ERN1: variants seen among roughly 807,000 people sequenced by gnomAD.
The protein encoded by ERN1 is serine/threonine-protein kinase/endoribonuclease IRE1.
ERN1 carries 39 observed loss-of-function variants against 113.1 expected under a neutral mutation model. That is an observed-to-expected ratio of 0.34 (90% CI 0.27 to 0.45). ERN1 has a LOEUF of 0.45. Among genes scored for constraint, ERN1 ranks in the 20% least tolerant of loss-of-function variants. The pLI is 1.00. For missense variants in ERN1, 976 were observed against 1,274.8 expected, an observed-to-expected ratio of 0.77 and a Z score of 3.57; for synonymous variants, 507 against 515.9, an observed-to-expected ratio of 0.98 and a Z score of 0.23.
At chr17:64,104,880 T>C (rs978899425) in intron 1 of ERN1, among the ~76,000 whole-genome samples, 2 of 152,060 alleles carry the variant, frequency 1.3e-5, no homozygotes, top group Admixed American at 6.6e-5. Context: ...TCTAAGTCAA[T>C]GGCAAGATAC....
At chr17:64,085,749 C>T (rs908243034) in intron 2 of ERN1, among the ~76,000 whole-genome samples, 5 of 152,130 alleles carry the variant, frequency 3.3e-5, no homozygotes, top group Non-Finnish European at 5.9e-5. Flanking sequence ...GAAAACACTG[C>T]GATCATTAGT....
intron 1 of ERN1, among the ~76,000 whole-genome samples, chr17:64,103,253 T>C (rs541733367): frequency 5.6e-4 from 86 of 152,226 alleles, no homozygotes; most frequent in Non-Finnish European, 1.1e-3. Flanking sequence ...CCCAGCACCT[T>C]TGGGAGGCCG....
At chr17:64,096,390 G>A (rs985328873) in intron 2 of ERN1, among the ~76,000 whole-genome samples, 2 of 152,194 alleles carry the variant, frequency 1.3e-5, no homozygotes, top group Admixed American at 6.5e-5. Flanking sequence ...TTCCCATCAC[G>A]CCCAGATGGG....
At position 64,054,858 on chromosome 17, in the gene ERN1, TCAAA is replaced by T. The variant is rs1912805977; in HGVS notation, c.1673-34_1673-31del. 8 of 1,508,930 alleles carry T rather than the reference TCAAA, an allele frequency of 5.3e-6. No individual in the cohort carries two copies. Among genetic ancestry groups the T allele is most frequent in the Non-Finnish European group, 7.3e-6 (8 of 1,098,152 alleles). 93.5% of individuals were successfully genotyped at this position (1,508,930 alleles called of 1,614,324 possible). ...GACAAAATAGGAAAAAGAGATTGTT[TCAAA>T]CAGATATCACCTAAAGAACCTTGAG... On this transcript the variant is annotated intron_variant, in intron 13 of 21. Coordinates refer to ENST00000433197, the MANE Select transcript of ERN1 (RefSeq NM_001433.5). This position sits in a 1 kb window ranked among gnomAD's most constrained non-coding sequence, Gnocchi z 4.9.
rs943441205 is a variant in ERN1, at chr17:64,044,691, C to T, written c.2721+169G>A. ...CCTACGTCCCTGAAGGGAAAATCAG[C>T]GTAAGAGAGGCAACAGCCTGCAGTT... On this transcript the variant is annotated intron_variant, in intron 21 of 21. Coordinates refer to ENST00000433197, the MANE Select transcript of ERN1 (RefSeq NM_001433.5). The surrounding 1 kb of genome is among the most constrained non-coding windows in gnomAD (Gnocchi z 4.1). Among the ~76,000 whole-genome samples, 4 of 152,144 alleles carry T rather than the reference C, an allele frequency of 2.6e-5. No individual in the cohort carries two copies. The highest frequency in any genetic ancestry group is 7.2e-5 in the African/African-American group (3 of 41,418).
intron 1 of ERN1, among the ~76,000 whole-genome samples, chr17:64,103,148 T>C (rs964716640): frequency 6.6e-6 from 1 of 152,126 alleles, no homozygotes; most frequent in Admixed American, 6.5e-5. Flanking sequence ...CTCCCTCCTA[T>C]GAAAGCCAAC....
At chr17:64,056,114 T>G (rs1399611417) in intron 12 of ERN1, among the ~76,000 whole-genome samples, 166 bp from the exon 13 acceptor site, 1 of 152,226 alleles carries the variant, frequency 6.6e-6, no homozygotes, top group Non-Finnish European at 1.5e-5. Flanking sequence ...ATTGCTTCGA[T>G]GACTGGACGT....
At chr17:64,048,678 C>T (rs1354604689) in intron 18 of ERN1, among the ~76,000 whole-genome samples, 2 of 152,230 alleles carry the variant, frequency 1.3e-5, no homozygotes, top group East Asian at 3.9e-4. Flanking sequence ...ACTGCACCTA[C>T]TGACCACTCG....
chr17:64,092,819 A>G (rs896782509), intron 2 of ERN1, among the ~76,000 whole-genome samples: 1 of 152,218 alleles, frequency 6.6e-6, no homozygotes, highest in African/African-American at 2.4e-5. Context: ...CCATCAGGCC[A>G]AAGCAAGCTA....
Position 64,080,822 on chromosome 17 carries a change from C to T in ERN1, c.176-14G>A. 2 of 1,607,894 alleles carry T rather than the reference C, an allele frequency of 1.2e-6. No homozygotes were observed. Among genetic ancestry groups the T allele is most frequent in the South Asian group, 1.1e-5 (1 of 89,612 alleles). ...GCAGGACTGGATCTGTGCAAAAGAA[C>T]AACAAAGCCATCATCAGAAACATCC... On this transcript the variant is annotated splice_polypyrimidine_tract_variant and intron_variant, in intron 2 of 21. Transcript: ENST00000433197.
In ERN1 at chr17:64,055,665, C is replaced by T; in HGVS notation, c.1672+10G>A. 1 of 1,555,642 alleles carries T rather than the reference C, an allele frequency of 6.4e-7. No homozygotes were observed. The highest frequency in any genetic ancestry group is 8.7e-7 in the Non-Finnish European group (1 of 1,151,906). On this transcript the variant is annotated intron_variant, in intron 13 of 21. Coordinates refer to ENST00000433197, the MANE Select transcript of ERN1 (RefSeq NM_001433.5). Reference sequence around the variant, plus strand: ...ACATAAAATAGCACCAAGATGGCAACTGGCTTTACCTCCATCGTCTTGTTC... The same window carrying T: ...ACATAAAATAGCACCAAGATGGCAATTGGCTTTACCTCCATCGTCTTGTTC...
At chr17:64,099,625 T>C (rs1914328383) in intron 1 of ERN1, among the ~76,000 whole-genome samples, 1 of 152,080 alleles carries the variant, frequency 6.6e-6, no homozygotes, top group Admixed American at 6.6e-5. Context: ...GAGCATTAAA[T>C]GTAAAAGGAT....
chr17:64,093,526 A>G (rs1282896016), intron 2 of ERN1, among the ~76,000 whole-genome samples: 1 of 152,200 alleles, frequency 6.6e-6, no homozygotes, highest in Non-Finnish European at 1.5e-5. Context: ...TGGTTCTGGA[A>G]GCTGGAAGTC....
rs116598754 is a variant in ERN1 at position 64,097,235 on chromosome 17, G to T, written c.175+886C>A. Among the ~76,000 whole-genome samples, 954 of 152,266 alleles carry T rather than the reference G, an allele frequency of 6.3e-3. 8 individuals are homozygous for T. The highest frequency in any genetic ancestry group is 0.022 in the African/African-American group (915 of 41,548). The stretch of plus-strand genomic sequence containing the variant: ...AACCCAGCTGCCATCATCTATGGAT[G>T]GTAACGAGGTTTGCTGCTGAATTCA... On this transcript the variant is annotated intron_variant, in intron 2 of 21. Transcript: ENST00000433197.
chr17:64,114,070 T>TAA (rs10718636), intron 1 of ERN1, among the ~76,000 whole-genome samples: 5 of 112,396 alleles, frequency 4.4e-5, no homozygotes, highest in African/African-American at 6.4e-5. Context: ...AGGTAAATGC[T>TAA]AAAAAAAAAA....
intron 4 of ERN1, among the ~76,000 whole-genome samples, chr17:64,076,604 C>CT (rs5821421): frequency 1.6e-4 from 23 of 141,074 alleles, no homozygotes; most frequent in African/African-American, 4.9e-4. Flanking sequence ...AGGGCATCCT[C>CT]TTTTTTTTTT....
In ERN1 at chr17:64,090,181, T is replaced by C. The variant is rs1914048897; in HGVS notation, c.175+7940A>G. On this transcript the variant is annotated intron_variant, in intron 2 of 21. Transcript: ENST00000433197. ...AGCTTTCATGAGGAAAGCATTTTTT[T>C]TTAAAGACATCTAATCAAAAGCTCC... 1.3e-5 allele frequency among the ~76,000 whole-genome samples: 2 copies of C among 152,226 alleles called. 1 individual carries two copies. The highest frequency in any genetic ancestry group is 4.1e-4 in the South Asian group (2 of 4,834).
intron 2 of ERN1, among the ~76,000 whole-genome samples, chr17:64,092,348 C>A (rs1457467191): frequency 6.6e-6 from 1 of 152,082 alleles, no homozygotes; most frequent in Non-Finnish European, 1.5e-5. Context: ...GCAAGAGGCA[C>A]ATGTTTAGAA....
chr17:64,102,732 A>G (rs1018458906), intron 1 of ERN1: 2 of 985,256 alleles, frequency 2.0e-6, no homozygotes, highest in Non-Finnish European at 2.4e-6. Flanking sequence ...TTGCCCAGCC[A>G]TTTCAGTCCT....
Sources: gnomAD v4.1 joint callset for allele counts (sites outside exome capture counted in the v4.1 genomes callset) on GRCh38, gnomAD v4.1.1 for gene constraint, Gnocchi (gnomAD v3.1) non-coding constraint, MANE v1.5 for transcripts, NCBI Gene and HGNC (gene_info 2026-07-23, HGNC 2026-07-21) for gene names.